Variants in CHMP3 observed in about 807,000 individuals in gnomAD.
The protein encoded by CHMP3 is charged multivesicular body protein 3, also known as 25.1 protein.
Under a neutral mutation model 27.4 loss-of-function variants are expected in CHMP3, and 8 were observed. The observed-to-expected ratio is 0.29, with a 90% CI of 0.17 to 0.53. CHMP3 has a LOEUF of 0.53. Among genes scored for constraint, CHMP3 ranks in the 20% least tolerant of loss-of-function variants. The pLI is 0.96. For synonymous variants in CHMP3, 86 were observed against 85.5 expected, an observed-to-expected ratio of 1.01 and a Z score of -0.03; for missense variants, 208 against 271.5, an observed-to-expected ratio of 0.77 and a Z score of 1.64.
Position 86,505,029 on chromosome 2 carries a change from AG to A in CHMP3, c.*774del, listed in dbSNP as rs949585343. 1.3e-5 allele frequency: 2 copies of A among 152,314 alleles called. No individual in the cohort carries two copies. The highest frequency in any genetic ancestry group is 4.8e-5 in the African/African-American group (2 of 41,440). 9.4% of individuals were successfully genotyped at this position (152,314 alleles called of 1,614,324 possible). The stretch of plus-strand genomic sequence containing the variant: ...CTCCTGACTTTGAGAAAACACAGAT[AG>A]GAAGGCCCATGTCCCACGCACAAGA... On this transcript the variant is annotated 3_prime_UTR_variant, in exon 6 of 6. Transcript: ENST00000263856.
At chr2:86,531,683 T>A (rs1309942843) in intron 2 of CHMP3, among the ~76,000 whole-genome samples, 8 of 152,252 alleles carry the variant, frequency 5.3e-5, no homozygotes, top group Non-Finnish European at 1.0e-4. Context: ...CTTTTGCATA[T>A]GGATATCCAG....
chr2:86,554,178 G>A lies in CHMP3; in HGVS notation c.45+9126C>T, dbSNP rs561394622. Among the ~76,000 whole-genome samples, 16 of 152,250 alleles carry A rather than the reference G, an allele frequency of 1.1e-4. No homozygotes were observed. In the East Asian group the frequency reaches 2.3e-3, roughly 22 times the overall value. ...CTCACCAGACACTGTACCTGTCAGC[G>A]CCTTAATCACCGACTTCCTGGTCTC... is the stretch of plus-strand genomic sequence containing the variant. On this transcript the variant is annotated intron_variant, in intron 1 of 5. Transcript: ENST00000263856.
intron 2 of CHMP3, among the ~76,000 whole-genome samples, chr2:86,529,994 C>T (rs909806321): frequency 6.7e-6 from 1 of 149,082 alleles, no homozygotes; most frequent in South Asian, 2.1e-4. Context: ...ACCCCGAACT[C>T]TTTTTTTTTT....
chr2:86,542,338 G>A (rs375650576), intron 1 of CHMP3, 26 bp from the exon 2 acceptor site: 3 of 1,609,198 alleles, frequency 1.9e-6, no homozygotes, highest in African/African-American at 1.3e-5. Context: ...GAAAAGGAAT[G>A]AGGAGAAAAG....
intron 3 of CHMP3, among the ~76,000 whole-genome samples, chr2:86,522,249 G>A (rs1675547211): frequency 6.6e-6 from 1 of 152,200 alleles, no homozygotes; most frequent in African/African-American, 2.4e-5. Context: ...GGGGTGGGAT[G>A]GGGCCATAGA....
At chr2:86,533,059 TTTTC>T (rs1675990263) in intron 2 of CHMP3, among the ~76,000 whole-genome samples, 1 of 152,238 alleles carries the variant, frequency 6.6e-6, no homozygotes, top group Non-Finnish European at 1.5e-5. Context: ...GGTCCACAGC[TTTTC>T]TTTGTCAGGA....
chr2:86,560,065 A>G (rs1432948458), intron 1 of CHMP3, among the ~76,000 whole-genome samples: 2 of 152,186 alleles, frequency 1.3e-5, no homozygotes, highest in Non-Finnish European at 2.9e-5. Context: ...GGAGATCAAG[A>G]CCATCCTGGC....
intron 2 of CHMP3, among the ~76,000 whole-genome samples, chr2:86,538,822 T>A (rs1676245457): frequency 6.6e-6 from 1 of 152,176 alleles, no homozygotes; most frequent in Non-Finnish European, 1.5e-5. Context: ...TATAGTTATA[T>A]TTTGCTTTAA....
At chr2:86,538,333 TGGAGATG>T (rs1158204847) in intron 2 of CHMP3, among the ~76,000 whole-genome samples, 1 of 152,164 alleles carries the variant, frequency 6.6e-6, no homozygotes, top group African/African-American at 2.4e-5. Flanking sequence ...GAAACAGATC[TGGAGATG>T]GATAGTGGTG....
chr2:86,560,878 T>C (rs1269550241), intron 1 of CHMP3, among the ~76,000 whole-genome samples: 1 of 152,018 alleles, frequency 6.6e-6, no homozygotes, highest in African/African-American at 2.4e-5. Context: ...GAGAAGGTGC[T>C]ACACACTTTT....
intron 5 of CHMP3, 128 bp from the exon 6 acceptor site, chr2:86,506,077 G>T: frequency 2.6e-6 from 3 of 1,154,304 alleles, no homozygotes; most frequent in Admixed American, 7.8e-5. Flanking sequence ...AGCTGTTTTT[G>T]GGGGGGTTTA....
intron 3 of CHMP3, among the ~76,000 whole-genome samples, chr2:86,519,082 A>G (rs554608398): frequency 2.0e-5 from 3 of 152,320 alleles, no homozygotes; most frequent in Non-Finnish European, 4.4e-5. Context: ...ACCATAAAAA[A>G]GCAAAGGAGG....
chr2:86,563,404 G>C lies in CHMP3; in HGVS notation c.-56C>G. On this transcript the variant is annotated 5_prime_UTR_variant, in exon 1 of 6. Coordinates refer to ENST00000263856, the MANE Select transcript of CHMP3 (RefSeq NM_016079.4). ...CTTTCAGTTCCCCGCGCCCAGGCAG[G>C]TCACGGGCAGCCGCCTGGGCGGGGC... 3 of 1,535,270 alleles carry C rather than the reference G, an allele frequency of 2.0e-6. No homozygotes were observed. The South Asian group carries it at 3.4e-5, about 17-fold the overall frequency.
At chr2:86,554,529 G>T (rs1677036304) in intron 1 of CHMP3, among the ~76,000 whole-genome samples, 1 of 152,126 alleles carries the variant, frequency 6.6e-6, no homozygotes, top group African/African-American at 2.4e-5. Flanking sequence ...ACTGGCAAAA[G>T]TCAAAAATTC....
chr2:86,552,033 C>T (rs1388650706), intron 1 of CHMP3, among the ~76,000 whole-genome samples: 1 of 152,152 alleles, frequency 6.6e-6, no homozygotes. Context: ...ATTCACAAAT[C>T]ATACCAGGAT....
At chr2:86,559,264 C>G (rs1232640019) in intron 1 of CHMP3, among the ~76,000 whole-genome samples, 1 of 152,218 alleles carries the variant, frequency 6.6e-6, no homozygotes, top group Non-Finnish European at 1.5e-5. Flanking sequence ...AGGTTCTCTA[C>G]TCTCTGGACT....
At chr2:86,538,709 C>A (rs774969726) in intron 2 of CHMP3, among the ~76,000 whole-genome samples, 4 of 152,156 alleles carry the variant, frequency 2.6e-5, no homozygotes, top group South Asian at 4.1e-4. Context: ...TACCTAAATT[C>A]TTTCCAATTA....
intron 1 of CHMP3, among the ~76,000 whole-genome samples, chr2:86,543,063 A>C (rs1676426026): frequency 6.6e-6 from 1 of 152,222 alleles, no homozygotes. Flanking sequence ...CACTGCTATA[A>C]CTAAACTCCT....
At chr2:86,534,317 G>C (rs890601153) in intron 2 of CHMP3, among the ~76,000 whole-genome samples, 3 of 141,910 alleles carry the variant, frequency 2.1e-5, no homozygotes, top group Admixed American at 1.5e-4. Flanking sequence ...TCCTACCTCA[G>C]CCTCCCGTAC....
Sources: gnomAD v4.1 joint callset for allele counts (sites outside exome capture counted in the v4.1 genomes callset) on GRCh38, gnomAD v4.1.1 for gene constraint, MANE v1.5 for transcripts, NCBI Gene and HGNC (gene_info 2026-07-23, HGNC 2026-07-21) for gene names.